The following SLC26A9 variants were observed in gnomAD, a reference collection of about 807,000 sequenced individuals.
The protein encoded by SLC26A9 is solute carrier family 26 member 9.
Under a neutral mutation model 87.1 loss-of-function variants are expected in SLC26A9, and 46 were observed. The observed-to-expected ratio is 0.53, with a 90% CI of 0.42 to 0.67. SLC26A9 has a LOEUF of 0.67. Among genes scored for constraint, SLC26A9 ranks in the 30% least tolerant of loss-of-function variants. SLC26A9 has a pLI of 0.00. For missense variants in SLC26A9, 927 were observed against 1,018.3 expected (o/e 0.91, Z 1.22); for synonymous variants, 437 against 409.1 (o/e 1.07, Z -0.82).
At chr1:205,941,966 T>A (rs1659762795) in intron 1 of SLC26A9, among the ~76,000 whole-genome samples, 1 of 152,138 alleles carries the variant, frequency 6.6e-6, no homozygotes, top group African/African-American at 2.4e-5. Context: ...CCAGTGAAGA[T>A]CAACTCCCCT....
chr1:205,917,330 A>G lies in SLC26A9; in HGVS notation c.2281T>C (p.Leu761=). ...CGAATGTCCTCCTCTGAGTCGTACA[A>G]GGAGAGCTCAGCATCCCCTGGAGCC... ...QGAPGDAELS[L]YDSEEDIRSY... Residue 761 remains leucine, a synonymous_variant, in exon 20 of 21, where the codon TTG becomes CTG. Coordinates refer to ENST00000367135, the MANE Select transcript of SLC26A9 (RefSeq NM_052934.4). 6.2e-7 allele frequency: 1 copy of G among 1,613,978 alleles called. No homozygotes were observed. The highest frequency in any genetic ancestry group is 1.1e-5 in the South Asian group (1 of 91,054).
intron 5 of SLC26A9, among the ~76,000 whole-genome samples, chr1:205,931,473 T>TTTTTTG (rs1156637293): frequency 3.6e-5 from 5 of 138,632 alleles, no homozygotes; most frequent in African/African-American, 5.4e-5. Flanking sequence ...TGGTTTTTTT[T>TTTTTTG]TTTTTTTTTT....
rs774089742 is a variant in SLC26A9 at position 205,931,888 on chromosome 1, G to C, written c.524C>G (p.Thr175Arg). 2 of 1,613,770 alleles carry C rather than the reference G, an allele frequency of 1.2e-6. No homozygotes were observed. Among genetic ancestry groups the C allele is most frequent in the Non-Finnish European group, 1.7e-6 (2 of 1,179,948 alleles). Residue 175 changes from threonine (T) to arginine (R), a missense_variant, in exon 5 of 21, where the codon ACG becomes AGG. Thr to Arg is a moderately conservative substitution (Grantham distance 71, BLOSUM62 -1). Transcript: ENST00000367135. Reference sequence around the variant, plus strand: ...GATGATGGCGGTGAGGCAGGCTAGCGTAGCTGACACGTGCAGCCTCTCAGC... The same window carrying C: ...GATGATGGCGGTGAGGCAGGCTAGCCTAGCTGACACGTGCAGCCTCTCAGC... ...MEAERLHVSA[T>R]LACLTAIIQM...
At chr1:205,916,114 T>G (rs1658580904) in intron 20 of SLC26A9, among the ~76,000 whole-genome samples, 1 of 151,892 alleles carries the variant, frequency 6.6e-6, no homozygotes, top group African/African-American at 2.4e-5. Context: ...TTTGTTTGTT[T>G]TTGAGACAGT....
intron 1 of SLC26A9, among the ~76,000 whole-genome samples, chr1:205,936,640 A>T (rs12082872): frequency 0.76 from 115,472 of 151,750 alleles, 44,623 homozygotes; most frequent in East Asian, 0.94. Context: ...GTCTCCCACC[A>T]CCCCTCTACC....
At chr1:205,936,293 C>A (rs543126691) in intron 1 of SLC26A9, among the ~76,000 whole-genome samples, 41 of 152,312 alleles carry the variant, frequency 2.7e-4, no homozygotes, top group Non-Finnish European at 8.8e-5. Flanking sequence ...TTGGAAGAAA[C>A]AGAAAACAGC....
chr1:205,932,110 A>T, intron 4 of SLC26A9, 75 bp from the exon 5 acceptor site: 1 of 1,565,190 alleles, frequency 6.4e-7, no homozygotes, highest in African/African-American at 1.4e-5. Context: ...GGGCCCAGGA[A>T]TGCTTCCCGA....
intron 2 of SLC26A9, among the ~76,000 whole-genome samples, chr1:205,933,448 G>C (rs1231138189): frequency 1.3e-5 from 2 of 152,148 alleles, no homozygotes; most frequent in Non-Finnish European, 2.9e-5. Context: ...TCCCAGGCCT[G>C]GGTAACTGCA....
chr1:205,919,656 G>A (rs919675461), intron 18 of SLC26A9, among the ~76,000 whole-genome samples: 15 of 152,172 alleles, frequency 9.9e-5, no homozygotes, highest in African/African-American at 2.4e-4. Flanking sequence ...TCATGTAAAT[G>A]TCTGCTGCCC....
rs142243310 is a variant in SLC26A9, at chr1:205,923,104, C to G, written c.1751G>C (p.Arg584Thr). ...KRRMRPTQQR[R>T]SLFMKTKTVS... ...CACCTTGGTTTTCATGAATAGAGAC[C>G]TCCTCTGTTGTGTGGGCCTCATTCT... The change falls in exon 16 of 21, where the codon AGG becomes ACG. Residue 584 changes from arginine to threonine, a missense_variant. Physicochemically the swap from Arg to Thr is moderately conservative, Grantham distance 71 (BLOSUM62 -1). Coordinates refer to ENST00000367135, the MANE Select transcript of SLC26A9 (RefSeq NM_052934.4). 174 of 1,613,932 alleles carry G rather than the reference C, an allele frequency of 1.1e-4. 1 individual carries two copies. The highest frequency in any genetic ancestry group is 1.5e-4 in the Admixed American group (9 of 59,986).
intron 9 of SLC26A9, 130 bp downstream of exon 9, chr1:205,927,772 G>A: frequency 1.4e-6 from 2 of 1,481,392 alleles, no homozygotes; most frequent in Middle Eastern, 2.4e-4. Flanking sequence ...TAGGGTCAGA[G>A]GACCCCCTAT....
rs530726041 is a variant in SLC26A9, at chr1:205,923,512, AAAG to A, written c.1566+29_1566+31del. The A allele has an allele frequency of 3.6e-5, 58 of 1,614,094 alleles. No homozygotes were observed. The East Asian group carries it at 1.2e-3, about 33-fold the overall frequency. On this transcript the variant is annotated intron_variant, in intron 14 of 20. Transcript: ENST00000367135. ...CCTCTTCTTGGGGTGGTGCAGAGCA[AAAG>A]AAGGAGGTCATAAGCTTGAATTACC...
chr1:205,928,343 G>A (rs999863892), intron 8 of SLC26A9: 4 of 458,170 alleles, frequency 8.7e-6, no homozygotes, highest in South Asian at 2.8e-5. Context: ...GTATGCTCAC[G>A]AGTCCACAGA....
At chr1:205,923,908 A>G (rs1288571450) in intron 13 of SLC26A9, among the ~76,000 whole-genome samples, 1 of 152,086 alleles carries the variant, frequency 6.6e-6, no homozygotes, top group African/African-American at 2.4e-5. Flanking sequence ...CCTTGTTCTG[A>G]GTTCTCAAGA....
chr1:205,931,465 G>GTTTTTTGTTT (rs1659300805), intron 5 of SLC26A9, among the ~76,000 whole-genome samples: 1 of 96,012 alleles, frequency 1.0e-5, no homozygotes, highest in Non-Finnish European at 2.0e-5. Context: ...CCCTAACTTG[G>GTTTTTTGTTT]TTTTTTTTTT....
intron 16 of SLC26A9, 63 bp downstream of exon 16, chr1:205,923,019 C>T (rs1658905216): frequency 4.7e-6 from 7 of 1,502,240 alleles, no homozygotes; most frequent in Middle Eastern, 3.8e-4. Flanking sequence ...CCATGAGTAA[C>T]AGGGGGCAGT....
intron 17 of SLC26A9, among the ~76,000 whole-genome samples, chr1:205,920,477 G>A (rs1364378108): frequency 6.6e-6 from 1 of 152,172 alleles, no homozygotes; most frequent in African/African-American, 2.4e-5. Context: ...AGTCACCATG[G>A]CCCCTTCTTG....
chr1:205,927,448 G>A (rs1216230259), intron 10 of SLC26A9, 44 bp downstream of exon 10: 4 of 1,594,752 alleles, frequency 2.5e-6, no homozygotes, highest in Non-Finnish European at 3.4e-6. Flanking sequence ...TGGGGCAACT[G>A]TTCTCTTACC....
At chr1:205,942,690 T>C (rs895249976) in intron 1 of SLC26A9, among the ~76,000 whole-genome samples, 2 of 152,152 alleles carry the variant, frequency 1.3e-5, no homozygotes, top group African/African-American at 4.8e-5. Context: ...CCCTTCTGTG[T>C]TGAAGCATTC....
Sources: gnomAD v4.1 joint callset for allele counts (sites outside exome capture counted in the v4.1 genomes callset) on GRCh38, gnomAD v4.1.1 for gene constraint, MANE v1.5 for transcripts, NCBI Gene and HGNC (gene_info 2026-07-23, HGNC 2026-07-21) for gene names.